DNAI4: variants seen among roughly 807,000 people sequenced by gnomAD.
DNAI4 encodes WD repeat domain 78.
In DNAI4, 85 loss-of-function variants were observed where a neutral mutation model predicts 105.8. That is an observed-to-expected ratio of 0.80 (90% confidence interval 0.67 to 0.96). The LOEUF (loss-of-function observed/expected upper bound fraction) is 0.96, where lower values mean the gene tolerates loss of function less well. Among genes scored for constraint, DNAI4 ranks in the 40% least tolerant of loss-of-function variants. The pLI is 0.00. For missense variants in DNAI4, 1,014 were observed against 1,005.6 expected, an observed-to-expected ratio of 1.01 and a Z score of -0.11; for synonymous variants, 352 against 331.5, an observed-to-expected ratio of 1.06 and a Z score of -0.67.
chr1:66,893,565 G>A (rs188083605), intron 2 of DNAI4, 152 bp from the exon 3 acceptor site: 38 of 469,756 alleles, frequency 8.1e-5, no homozygotes, highest in Non-Finnish European at 1.4e-5. Context: ...GCTTTAAAAT[G>A]TCATGCTTAG....
intron 4 of DNAI4, among the ~76,000 whole-genome samples, chr1:66,881,758 G>A (rs1647076135): frequency 6.6e-6 from 1 of 152,146 alleles, no homozygotes; most frequent in Admixed American, 6.6e-5. Context: ...GGCATAATTG[G>A]TTTTGAAATG....
At chr1:66,846,439 AC>A (rs1646276900) in intron 8 of DNAI4, among the ~76,000 whole-genome samples, 1 of 152,222 alleles carries the variant, frequency 6.6e-6, no homozygotes, top group Admixed American at 6.5e-5. Flanking sequence ...AGCTGGAAAT[AC>A]AATAGGCAAA....
intron 7 of DNAI4, among the ~76,000 whole-genome samples, chr1:66,858,481 C>T (rs1176479890): frequency 7.0e-6 from 1 of 142,736 alleles, no homozygotes; most frequent in Non-Finnish European, 1.5e-5. Flanking sequence ...TGCAGTGAGC[C>T]GAGATCAGGC....
intron 8 of DNAI4, among the ~76,000 whole-genome samples, chr1:66,847,213 C>T (rs1228054143): frequency 6.6e-6 from 1 of 152,198 alleles, no homozygotes; most frequent in African/African-American, 2.4e-5. Flanking sequence ...AATGATAACT[C>T]AATCTGGAGA....
intron 4 of DNAI4, among the ~76,000 whole-genome samples, chr1:66,878,496 C>A (rs1463286228): frequency 6.6e-6 from 1 of 152,142 alleles, no homozygotes; most frequent in Non-Finnish European, 1.5e-5. Flanking sequence ...AATCTGAGCA[C>A]TGAGAGTGCT....
intron 7 of DNAI4, chr1:66,848,300 C>A (rs1646321645): frequency 4.4e-6 from 2 of 455,672 alleles, no homozygotes; most frequent in Non-Finnish European, 8.8e-6. Flanking sequence ...ACGTCTCTCT[C>A]CCAGACCACA....
intron 11 of DNAI4, 109 bp from the exon 12 acceptor site, chr1:66,834,257 A>G (rs999366196): frequency 3.8e-6 from 3 of 787,664 alleles, no homozygotes; most frequent in Non-Finnish European, 3.7e-6. Flanking sequence ...ACCTATTTAT[A>G]TAATCCTTTT....
In DNAI4 at chr1:66,905,250, G is replaced by T. The variant is rs771329270; in HGVS notation, c.296C>A (p.Pro99His). The T allele has an allele frequency of 6.4e-7, 1 of 1,572,220 alleles. No individual in the cohort carries two copies. Among genetic ancestry groups the T allele is most frequent in the South Asian group, 1.2e-5 (1 of 84,560 alleles). ...MAVSKTVLIP[P>H]ELKTVEKPNP... ...TGGTTTTTCTACAGTTTTCAGTTCA[G>T]GTGGAATAAGCACGGTTTTGGACAC... is the stretch of plus-strand genomic sequence containing the variant. Residue 99 changes from proline to histidine, a missense_variant, in exon 2 of 17, where the codon CCT becomes CAT. Coordinates refer to ENST00000371026, the MANE Select transcript of DNAI4 (RefSeq NM_024763.5).
intron 16 of DNAI4, among the ~76,000 whole-genome samples, chr1:66,819,997 A>G (rs1381662106): frequency 6.6e-6 from 1 of 152,168 alleles, no homozygotes; most frequent in Admixed American, 6.5e-5. Flanking sequence ...TAAACTATGT[A>G]TTTGGATTCA....
At chr1:66,918,754 C>T (rs1177499432) in intron 1 of DNAI4, among the ~76,000 whole-genome samples, 1 of 151,956 alleles carries the variant, frequency 6.6e-6, no homozygotes, top group East Asian at 1.9e-4. Context: ...AAACCTGAGA[C>T]CAGAGACTCA....
In DNAI4 at chr1:66,847,475, T is replaced by G. The variant is rs1193787646; in HGVS notation, c.1291+9A>C. On this transcript the variant is annotated intron_variant, in intron 8 of 16. Coordinates refer to ENST00000371026, the MANE Select transcript of DNAI4 (RefSeq NM_024763.5). ...ACCCAGCCTAAACATGTTTATTTTTTTTAAATACCTTTTAAAACAGGAAGC... is the reference window on the plus strand; with the variant it reads ...ACCCAGCCTAAACATGTTTATTTTTGTTAAATACCTTTTAAAACAGGAAGC... 1 of 1,609,690 alleles carries G rather than the reference T, an allele frequency of 6.2e-7. No individual in the cohort carries two copies. Among genetic ancestry groups the G allele is most frequent in the Admixed American group, 1.7e-5 (1 of 58,572 alleles).
Position 66,893,219 on chromosome 1 carries a change from T to C in DNAI4, c.530+10A>G. 6.8e-7 allele frequency: 1 copy of C among 1,481,320 alleles called. No homozygotes were observed. The highest frequency in any genetic ancestry group is 9.0e-7 in the Non-Finnish European group (1 of 1,107,658). 91.8% of individuals were successfully genotyped at this position (1,481,320 alleles called of 1,614,324 possible). ...ATAGAAAAAAGGAACTATATAATAG[T>C]ATACTCTACCTTGTAAACTGCCCTA... is the stretch of plus-strand genomic sequence containing the variant. On this transcript the variant is annotated intron_variant, in intron 3 of 16. Coordinates refer to ENST00000371026, the MANE Select transcript of DNAI4 (RefSeq NM_024763.5).
At chr1:66,910,852 G>A (rs1193394494) in intron 1 of DNAI4, among the ~76,000 whole-genome samples, 1 of 152,124 alleles carries the variant, frequency 6.6e-6, no homozygotes, top group East Asian at 1.9e-4. Context: ...CAGTACCCAA[G>A]TGTGGAAAAA....
intron 7 of DNAI4, among the ~76,000 whole-genome samples, chr1:66,855,614 T>C (rs773850305): frequency 2.0e-5 from 3 of 151,926 alleles, no homozygotes; most frequent in African/African-American, 7.3e-5. Flanking sequence ...TTATCCGAGA[T>C]AAAGAGGGGC....
intron 1 of DNAI4, among the ~76,000 whole-genome samples, chr1:66,915,208 C>T (rs927152344): frequency 1.3e-5 from 2 of 152,212 alleles, no homozygotes; most frequent in Non-Finnish European, 2.9e-5. Context: ...ATTACCATAA[C>T]TTCTAAACCT....
chr1:66,891,066 T>A (rs771795169), intron 4 of DNAI4, 88 bp downstream of exon 4: 3 of 1,030,164 alleles, frequency 2.9e-6, no homozygotes, highest in African/African-American at 3.2e-5. Flanking sequence ...CATTACCATA[T>A]TTCTTTTATC....
intron 15 of DNAI4, 147 bp from the exon 16 acceptor site, chr1:66,822,664 C>G: frequency 6.3e-6 from 4 of 635,740 alleles, no homozygotes; most frequent in Non-Finnish European, 9.8e-6. Context: ...ATAACTGCTC[C>G]TCACTCCTTA....
chr1:66,885,882 G>T (rs932529276), intron 4 of DNAI4, among the ~76,000 whole-genome samples: 1 of 151,774 alleles, frequency 6.6e-6, no homozygotes, highest in Non-Finnish European at 1.5e-5. Context: ...TATTCTTTTT[G>T]TATCTGTTGT....
At chr1:66,850,766 C>A (rs1396689760) in intron 7 of DNAI4, among the ~76,000 whole-genome samples, 2 of 151,710 alleles carry the variant, frequency 1.3e-5, no homozygotes, top group Admixed American at 6.6e-5. Flanking sequence ...TTTACTTGAA[C>A]TGGTAAAATG....
Sources: gnomAD v4.1 joint callset for allele counts (sites outside exome capture counted in the v4.1 genomes callset) on GRCh38, gnomAD v4.1.1 for gene constraint, MANE v1.5 for transcripts, NCBI Gene and HGNC (gene_info 2026-07-23, HGNC 2026-07-21) for gene names.